The following DLG2 variants were observed in gnomAD, a reference collection of about 807,000 sequenced individuals.
The protein encoded by DLG2 is disks large homolog 2.
In DLG2, 45 loss-of-function variants were observed where a neutral mutation model predicts 132.5. That is an observed-to-expected ratio of 0.34 (90% confidence interval 0.27 to 0.44). DLG2 has a LOEUF of 0.44. DLG2 is among the 20% of genes least tolerant of loss of function. DLG2 has a pLI of 1.00. For synonymous variants in DLG2, 424 were observed against 419.6 expected (o/e 1.01, Z -0.13); for missense variants, 1,045 against 1,196.9 (o/e 0.87, Z 1.87).
chr11:85,036,905 T>C (rs923876777), intron 6 of DLG2, among the ~76,000 whole-genome samples: 1 of 152,022 alleles, frequency 6.6e-6, no homozygotes, highest in Non-Finnish European at 1.5e-5. Context: ...CTGACATAGC[T>C]TGAGAGAAAG....
chr11:85,555,454 A>ATATAGG (rs796338382), intron 3 of DLG2, among the ~76,000 whole-genome samples: 39 of 152,048 alleles, frequency 2.6e-4, no homozygotes, highest in African/African-American at 8.9e-4. Context: ...ATACCCCAAC[A>ATATAGG]TATAGTGCTT....
intron 7 of DLG2, among the ~76,000 whole-genome samples, chr11:84,420,544 G>A (rs2098945103): frequency 6.7e-6 from 1 of 149,916 alleles, no homozygotes; most frequent in African/African-American, 2.4e-5. Context: ...ATTTCAGGAG[G>A]AAAAAATGTA....
intron 3 of DLG2, among the ~76,000 whole-genome samples, chr11:85,312,309 T>C (rs2080364044): frequency 6.6e-6 from 1 of 151,540 alleles, no homozygotes; most frequent in Admixed American, 6.6e-5. Context: ...ATTAAACCTA[T>C]ATAAGGAATT....
At chr11:84,052,328 T>C (rs542686752) in intron 11 of DLG2, among the ~76,000 whole-genome samples, 1 of 151,958 alleles carries the variant, frequency 6.6e-6, no homozygotes, top group South Asian at 2.1e-4. Context: ...AAGCCAAATA[T>C]ATATTGGTTC....
At chr11:83,886,913 A>G (rs1430113933) in intron 15 of DLG2, among the ~76,000 whole-genome samples, 6 of 152,028 alleles carry the variant, frequency 3.9e-5, no homozygotes, top group Non-Finnish European at 8.8e-5. Context: ...CAACAAAGAC[A>G]CAACATACCA....
chr11:85,163,447 A>C lies in DLG2; in HGVS notation c.187-8796T>G, dbSNP rs143553830. Among the ~76,000 whole-genome samples, 536 of 152,264 alleles carry C rather than the reference A, an allele frequency of 3.5e-3. 3 individuals are homozygous for C. Among genetic ancestry groups the C allele is most frequent in the African/African-American group, 0.013 (526 of 41,560 alleles). ...ACATATATAGATCATGATAATAGAA[A>C]GTATAGGAGGAGCATCTATATTAGA... is the stretch of plus-strand genomic sequence containing the variant. On this transcript the variant is annotated intron_variant, in intron 4 of 27. Coordinates refer to ENST00000376104, the MANE Select transcript of DLG2 (RefSeq NM_001142699.3).
At chr11:84,969,290 A>G (rs932851024) in intron 6 of DLG2, among the ~76,000 whole-genome samples, 1 of 152,166 alleles carries the variant, frequency 6.6e-6, no homozygotes, top group African/African-American at 2.4e-5. Flanking sequence ...TGTCACCTCC[A>G]GCCAGGGCCA....
chr11:84,086,772 A>T (rs894102041), intron 10 of DLG2, among the ~76,000 whole-genome samples: 3 of 152,036 alleles, frequency 2.0e-5, no homozygotes, highest in Non-Finnish European at 4.4e-5. Flanking sequence ...CTGCAGACAT[A>T]AGTCATGGTG....
chr11:84,020,144 A>T (rs1018578258), intron 11 of DLG2, among the ~76,000 whole-genome samples: 1 of 152,112 alleles, frequency 6.6e-6, no homozygotes, highest in African/African-American at 2.4e-5. Flanking sequence ...TGAACTCTAA[A>T]TTGGGATATT....
chr11:85,135,209 T>TA (rs1443445418), intron 5 of DLG2, among the ~76,000 whole-genome samples: 1 of 152,206 alleles, frequency 6.6e-6, no homozygotes, highest in African/African-American at 2.4e-5. Context: ...TGTGTCCCTA[T>TA]AGCACCTTAA....
chr11:85,473,299 C>A (rs1475074023), intron 3 of DLG2, among the ~76,000 whole-genome samples: 1 of 152,218 alleles, frequency 6.6e-6, no homozygotes, highest in East Asian at 1.9e-4. Flanking sequence ...AGGTCCCCAG[C>A]TGGCAAAACA....
At chr11:84,005,029 A>C (rs907188210) in intron 11 of DLG2, among the ~76,000 whole-genome samples, 1 of 151,640 alleles carries the variant, frequency 6.6e-6, no homozygotes, top group Non-Finnish European at 1.5e-5. Context: ...AAAAAACCCC[A>C]AAACCAAAAA....
At chr11:83,610,204 G>T (rs1437533326) in intron 19 of DLG2, among the ~76,000 whole-genome samples, 3 of 152,130 alleles carry the variant, frequency 2.0e-5, no homozygotes, top group African/African-American at 7.2e-5. Flanking sequence ...AGAGTCAGTG[G>T]ATGTCGGACA....
chr11:85,509,344 T>C (rs2094005629), intron 3 of DLG2, among the ~76,000 whole-genome samples: 1 of 152,062 alleles, frequency 6.6e-6, no homozygotes, highest in Non-Finnish European at 1.5e-5. Flanking sequence ...AGCTATTTCT[T>C]ATTCTAACAT....
At chr11:84,815,597 T>C (rs1363379216) in intron 6 of DLG2, among the ~76,000 whole-genome samples, 2 of 152,054 alleles carry the variant, frequency 1.3e-5, no homozygotes. Context: ...TGAGAATTGT[T>C]TCCTGGATCC....
chr11:83,894,513 G>A (rs2070971303), intron 15 of DLG2, among the ~76,000 whole-genome samples: 1 of 152,112 alleles, frequency 6.6e-6, no homozygotes, highest in African/African-American at 2.4e-5. Context: ...ATTAAATAAA[G>A]TTAAAATTGA....
rs1426235330 is a variant in DLG2 at position 85,178,992 on chromosome 11, G to T, written c.187-24341C>A. On this transcript the variant is annotated intron_variant, in intron 4 of 27. Transcript: ENST00000376104. Reference sequence around the variant, plus strand: ...TTTCCAGGATTTCAAAAAGAGATGAGTCCACCGATAGAAAAAGCTTTCTAA... The same window carrying T: ...TTTCCAGGATTTCAAAAAGAGATGATTCCACCGATAGAAAAAGCTTTCTAA... 2.0e-5 allele frequency among the ~76,000 whole-genome samples: 3 copies of T among 151,772 alleles called. No homozygotes were observed. The East Asian group carries it at 5.8e-4, about 29-fold the overall frequency.
At chr11:84,089,467 T>G (rs899852966) in intron 10 of DLG2, among the ~76,000 whole-genome samples, 6 of 152,182 alleles carry the variant, frequency 3.9e-5, no homozygotes, top group Admixed American at 3.9e-4. Flanking sequence ...AGTTAGTGGA[T>G]ATACATTAAT....
chr11:83,942,314 ATAT>A (rs1476308913), intron 14 of DLG2, among the ~76,000 whole-genome samples: 1 of 151,918 alleles, frequency 6.6e-6, no homozygotes, highest in African/African-American at 2.4e-5. Flanking sequence ...TAGACACACC[ATAT>A]TATTAAGTGA....
Sources: gnomAD v4.1 joint callset for allele counts (sites outside exome capture counted in the v4.1 genomes callset) on GRCh38, gnomAD v4.1.1 for gene constraint, MANE v1.5 for transcripts, NCBI Gene and HGNC (gene_info 2026-07-23, HGNC 2026-07-21) for gene names.